The following HSPG2 variants were observed in gnomAD, a reference collection of about 807,000 sequenced individuals.
The protein encoded by HSPG2 is heparan sulfate proteoglycan 2, also known as basement membrane-specific heparan sulfate proteoglycan core protein.
A neutral mutation model predicts 526.6 loss-of-function variants in HSPG2; 278 were observed. The observed-to-expected ratio is 0.53, with a 90% confidence interval of 0.48 to 0.58. The LOEUF (loss-of-function observed/expected upper bound fraction) is 0.58. Ranked by LOEUF, HSPG2 falls within the 20% of genes least tolerant of loss-of-function variation. HSPG2 has a pLI of 0.00. For synonymous variants in HSPG2, 2,465 were observed against 2,555.4 expected, an observed-to-expected ratio of 0.96 and a Z score of 1.07; for missense variants, 5,354 against 6,099.5, an observed-to-expected ratio of 0.88 and a Z score of 4.07.
rs1414082183 is a variant in HSPG2 at position 21,824,299 on chromosome 1, G to A, written c.12815+7C>T. On this transcript the variant is annotated splice_region_variant and intron_variant, in intron 94 of 96. Transcript: ENST00000374695. The surrounding 1 kb of genome is among the most constrained non-coding windows in gnomAD (Gnocchi z 5.9). ...AGGGAGAGGAAGGGCCAGGTGCCAG[G>A]ACCTACCTGAAGACAAGGTGCCCGT... 2.5e-6 allele frequency: 4 copies of A among 1,613,740 alleles called. No homozygotes were observed. Among genetic ancestry groups the A allele is most frequent in the Non-Finnish European group, 3.4e-6 (4 of 1,179,958 alleles).
chr1:21,875,748 C>T lies in HSPG2; in HGVS notation c.3184-1G>A. 1 of 1,605,876 alleles carries T rather than the reference C, an allele frequency of 6.2e-7. No individual in the cohort carries two copies. The highest frequency in any genetic ancestry group is 1.1e-5 in the South Asian group (1 of 91,092). On this transcript the variant is annotated splice_acceptor_variant, in intron 24 of 96. Transcript: ENST00000374695. LOFTEE classifies it high-confidence loss of function. ...GCCCATCGGGCCGCTGCCATGCTTG[C>T]TGCCAAGGAGAGGACACATGTGCTC...
chr1:21,851,931 G>A lies in HSPG2; in HGVS notation c.6871-5C>T. 1 of 1,601,164 alleles carries A rather than the reference G, an allele frequency of 6.2e-7. No homozygotes were observed. The highest frequency in any genetic ancestry group is 8.5e-7 in the Non-Finnish European group (1 of 1,174,282). On this transcript the variant is annotated splice_polypyrimidine_tract_variant and splice_region_variant and intron_variant, in intron 53 of 96. Coordinates refer to ENST00000374695, the MANE Select transcript of HSPG2 (RefSeq NM_005529.7). ...GTACAGGCGGGAGCCACGAACCTGG[G>A]CAGCCGTGGGCAGAGGTGTGAGGGG...
intron 49 of HSPG2, 34 bp from the exon 50 acceptor site, chr1:21,854,377 A>AGGGAC (rs1639166959): frequency 3.9e-6 from 6 of 1,555,584 alleles, no homozygotes; most frequent in African/African-American, 1.4e-5. Context: ...ACGTGAGGAC[A>AGGGAC]GGGACGGGGG....
rs141852442 is a variant in HSPG2, at chr1:21,876,547, G to C, written c.2791C>G (p.Arg931Gly). 8.7e-6 allele frequency: 14 copies of C among 1,614,084 alleles called. No individual in the cohort carries two copies. In the African/African-American group the frequency reaches 1.7e-4, roughly 20 times the overall value. Residue 931 changes from arginine (R) to glycine (G), a missense_variant, in exon 22 of 97, where the codon CGC (arginine) becomes GGC (glycine). Transcript: ENST00000374695. ...CTCCATGAAGAGCTGGTGCAGTGGCGACTGACACCCATGCAGAAGCACTTG... is the reference window on the plus strand; with the variant it reads ...CTCCATGAAGAGCTGGTGCAGTGGCCACTGACACCCATGCAGAAGCACTTG... ...CLKCFCMGVS[R>G]HCTSSSWSRA...
At chr1:21,878,128 C>T in intron 21 of HSPG2, 58 bp downstream of exon 21, 1 of 1,485,064 alleles carries the variant, frequency 6.7e-7, no homozygotes. Context: ...CTTCTTCCTC[C>T]TCCCAGCTGT....
intron 6 of HSPG2, 97 bp from the exon 7 acceptor site, chr1:21,888,163 T>G: frequency 2.0e-6 from 3 of 1,531,724 alleles, no homozygotes; most frequent in Non-Finnish European, 2.7e-6. Flanking sequence ...TCCAGGGCCC[T>G]GTGTCAGGCA....
Position 21,833,479 on chromosome 1 carries a change from G to A in HSPG2, c.10966C>T (p.Leu3656=), listed in dbSNP as rs373335656. 15 of 1,614,090 alleles carry A rather than the reference G, an allele frequency of 9.3e-6. No individual in the cohort carries two copies. The African/African-American group carries it at 1.9e-4, about 20-fold the overall frequency. The change falls in exon 79 of 97, where the codon CTG becomes TTG. Residue 3656 remains leucine (L), a synonymous_variant. Transcript: ENST00000374695. ...RQGKVKAFAH[L]QVPERVVPYF... is the part of the protein sequence containing the mutation. ...GGTGGTGTCTTACCTGGCACCTGCA[G>A]GTGGGCAAAGGCTTTGACCTTGCCC...
At position 21,829,875 on chromosome 1, in the gene HSPG2, T is replaced by G. The variant is rs142459500; in HGVS notation, c.11770+118A>C. 5.2e-4 allele frequency: 490 copies of G among 950,300 alleles called. 2 individuals are homozygous for G. In the African/African-American group the frequency reaches 6.2e-3, roughly 12 times the overall value. The allele number at this position is 950,300 out of a possible 1,614,324, so 58.9% of individuals were successfully genotyped here. ...GACATGTGGCCAGGTGACTTCGAGA[T>G]CCTCTGGCTTGGGAATCGTTTTATC... On this transcript the variant is annotated intron_variant, in intron 86 of 96. Transcript: ENST00000374695.
Position 21,827,961 on chromosome 1 carries a change from C to T in HSPG2, c.12533-42G>A, listed in dbSNP as rs760174481. On this transcript the variant is annotated intron_variant, in intron 90 of 96. Coordinates refer to ENST00000374695, the MANE Select transcript of HSPG2 (RefSeq NM_005529.7). The stretch of plus-strand genomic sequence containing the variant: ...GGTCCAGTTGGTGGGCATAGACACC[C>T]GTGGGTACTATGTCGAGCTCCGGGG... The T allele has an allele frequency of 4.1e-5, 66 of 1,609,644 alleles. No homozygotes were observed. The South Asian group carries it at 5.5e-4, about 14-fold the overall frequency.
At chr1:21,866,648 G>A (rs185406539) in intron 33 of HSPG2, among the ~76,000 whole-genome samples, 3 of 152,342 alleles carry the variant, frequency 2.0e-5, no homozygotes, top group African/African-American at 7.2e-5. Context: ...GCACTGTGTT[G>A]CTCATGACTG....
rs1557716683 is a variant in HSPG2 at position 21,851,795 on chromosome 1, G to A, written c.7002C>T (p.Ala2334=). ...TVTGTQGANL[A]YPAGSTQPIR... is the part of the protein sequence containing the mutation. ...CAGCCTGGTGGCCCCACTCACGGTA[G>A]GCTAAGTTGGCCCCCTGGGTCCCAG... The change falls in exon 54 of 97, where the codon GCC becomes GCT. Residue 2334 remains alanine (A), a synonymous_variant. Coordinates refer to ENST00000374695, the MANE Select transcript of HSPG2 (RefSeq NM_005529.7). The A allele has an allele frequency of 6.2e-7, 1 of 1,613,926 alleles. No individual in the cohort carries two copies. The highest frequency in any genetic ancestry group is 8.5e-7 in the Non-Finnish European group (1 of 1,180,028).
rs779491323 is a variant in HSPG2 at position 21,852,053 on chromosome 1, C to A, written c.6870+35G>T. The A allele has an allele frequency of 3.9e-5, 63 of 1,612,288 alleles. No individual in the cohort carries two copies. In the East Asian group the frequency reaches 1.4e-3, roughly 36 times the overall value. On this transcript the variant is annotated intron_variant, in intron 53 of 96. Transcript: ENST00000374695. ...GGGCCAGGATCCTGCAACCCACTGT[C>A]CATGGCCCCGTCCCACATTCTTGGT... is the stretch of plus-strand genomic sequence containing the variant.
intron 1 of HSPG2, among the ~76,000 whole-genome samples, chr1:21,913,072 C>T (rs1165544504): frequency 1.3e-5 from 2 of 152,020 alleles, no homozygotes; most frequent in South Asian, 2.1e-4. Flanking sequence ...CCCAGCAACT[C>T]GATTGGCAGA....
At chr1:21,852,316 GC>G in intron 52 of HSPG2, 83 bp from the exon 53 acceptor site, 1 of 1,554,316 alleles carries the variant, frequency 6.4e-7, no homozygotes, top group Non-Finnish European at 8.9e-7. Context: ...AGCTAGCTCA[GC>G]CCAGGGTTTC....
rs1361277807 is a variant in HSPG2 at position 21,885,112 on chromosome 1, G to C, written c.1256C>G (p.Ser419Cys). Residue 419 changes from serine (S) to cysteine (C), a missense_variant, in exon 11 of 97, where the codon TCC (serine) becomes TGC (cysteine). Physicochemically the swap from Ser to Cys is moderately radical, Grantham distance 112. Transcript: ENST00000374695. ...VTPPRESIQA[S>C]RGQTVTFTCV... ...GGTGAAGGTCACTGTCTGGCCCCGG[G>C]AAGCCTGGATGGACTCCCGGGGAGG... 1.2e-6 allele frequency: 2 copies of C among 1,612,950 alleles called. No homozygotes were observed. The highest frequency in any genetic ancestry group is 1.7e-6 in the Non-Finnish European group (2 of 1,179,660).
chr1:21,835,414 G>T (rs2098022477), intron 76 of HSPG2, 126 bp downstream of exon 76: 2 of 729,794 alleles, frequency 2.7e-6, no homozygotes, highest in East Asian at 5.3e-5. Flanking sequence ...AGGCAAAATG[G>T]AATAATTCTC....
chr1:21,879,128 G>C lies in HSPG2; in HGVS notation c.2344-7C>G. The C allele has an allele frequency of 6.2e-7, 1 of 1,614,216 alleles. No homozygotes were observed. The highest frequency in any genetic ancestry group is 1.1e-5 in the South Asian group (1 of 91,086). ...CCGTGTTGTGCTGGCAATTCTAGAAGAAGGAGGAGGGTATGGCTCAACTTC... is the reference window on the plus strand; with the variant it reads ...CCGTGTTGTGCTGGCAATTCTAGAACAAGGAGGAGGGTATGGCTCAACTTC... On this transcript the variant is annotated splice_region_variant and splice_polypyrimidine_tract_variant and intron_variant, in intron 17 of 96. Coordinates refer to ENST00000374695, the MANE Select transcript of HSPG2 (RefSeq NM_005529.7).
In HSPG2 at chr1:21,890,573, C is replaced by A. The variant is rs1313329387; in HGVS notation, c.354+12G>T. On this transcript the variant is annotated intron_variant, in intron 4 of 96. Coordinates refer to ENST00000374695, the MANE Select transcript of HSPG2 (RefSeq NM_005529.7). The surrounding 1 kb of genome is among the most constrained non-coding windows in gnomAD (Gnocchi z 4.1). ...CCACACCCGCGAGCTTCCCAAACCC[C>A]CTTCACCTCACCGTGTCTACCACAG... The A allele has an allele frequency of 6.2e-6, 10 of 1,611,270 alleles. No homozygotes were observed. The highest frequency in any genetic ancestry group is 8.5e-6 in the Non-Finnish European group (10 of 1,177,380).
rs779715147 is a variant in HSPG2 at position 21,833,374 on chromosome 1, C to T, written c.10989G>A (p.Val3663=). The T allele has an allele frequency of 7.4e-6, 12 of 1,614,030 alleles. No individual in the cohort carries two copies. The highest frequency in any genetic ancestry group is 1.3e-5 in the African/African-American group (1 of 74,918). The change falls in exon 80 of 97, where the codon GTG becomes GTA. Residue 3663 remains valine, a synonymous_variant. Transcript: ENST00000374695. ...FAHLQVPERV[V]PYFTQTPYSF... Reference sequence around the variant, plus strand: ...AGTAGGGGGTCTGCGTGAAGTAGGGCACCACCCGCTCTGCCAGCAGAGAGC... The same window carrying T: ...AGTAGGGGGTCTGCGTGAAGTAGGGTACCACCCGCTCTGCCAGCAGAGAGC...
Sources: allele counts gnomAD v4.1 joint callset (sites outside exome capture counted in the v4.1 genomes callset), GRCh38; gene constraint gnomAD v4.1.1; non-coding constraint Gnocchi (gnomAD v3.1); transcripts MANE v1.5; gene names NCBI Gene and HGNC (gene_info 2026-07-23, HGNC 2026-07-21).